RAPGEF1: variants seen among roughly 807,000 people sequenced by gnomAD.
RAPGEF1 encodes CRK SH3-binding GNRP.
RAPGEF1 carries 33 observed loss-of-function variants against 143.3 expected under a neutral mutation model. That is an observed-to-expected ratio of 0.23 (90% CI 0.17 to 0.31). The LOEUF (loss-of-function observed/expected upper bound fraction) is 0.31, where lower values mean the gene tolerates loss of function less well. Among genes scored for constraint, RAPGEF1 ranks in the 10% least tolerant of loss-of-function variants. The pLI is 1.00. For missense variants in RAPGEF1, 1,199 were observed against 1,645.4 expected (o/e 0.73, Z 4.69); for synonymous variants, 629 against 676.5 (o/e 0.93, Z 1.09).
chr9:131,680,574 T>C (rs926769568), intron 1 of RAPGEF1, among the ~76,000 whole-genome samples: 4 of 152,222 alleles, frequency 2.6e-5, no homozygotes, highest in Admixed American at 1.3e-4. Flanking sequence ...CCACGAACAA[T>C]AGCATGAGAG....
intron 1 of RAPGEF1, among the ~76,000 whole-genome samples, chr9:131,652,072 G>C (rs1228958326): frequency 2.0e-5 from 3 of 152,202 alleles, no homozygotes; most frequent in African/African-American, 7.2e-5. Context: ...GTTGCTCTGA[G>C]TAAATCAGGG....
intron 1 of RAPGEF1, among the ~76,000 whole-genome samples, chr9:131,679,102 A>G (rs1832695531): frequency 6.8e-6 from 1 of 148,078 alleles, no homozygotes; most frequent in African/African-American, 2.5e-5. Context: ...CCTAGGACAA[A>G]TATGGCCCTA....
At chr9:131,699,118 C>T (rs1276183273) in intron 1 of RAPGEF1, among the ~76,000 whole-genome samples, 1 of 152,160 alleles carries the variant, frequency 6.6e-6, no homozygotes, top group South Asian at 2.1e-4. Context: ...ATACCCTTAA[C>T]AACTACCACC....
rs372125010 is a variant in RAPGEF1 at position 131,577,202 on chromosome 9, T to TA, written c.*2294dup. ...CTGCCTGCCATCAATAAGTTAGACA[T>TA]ACATCGCACCTTGCCGTCCTCACGC... On this transcript the variant is annotated 3_prime_UTR_variant, in exon 27 of 27. Transcript: ENST00000683357. 2 of 152,424 alleles carry TA rather than the reference T, an allele frequency of 1.3e-5. No individual in the cohort carries two copies. Among genetic ancestry groups the TA allele is most frequent in the East Asian group, 3.9e-4 (2 of 5,190 alleles). The allele number at this position is 152,424 out of a possible 1,614,324, so 9.4% of individuals were successfully genotyped here.
chr9:131,607,391 G>C (rs1957288200), intron 12 of RAPGEF1, among the ~76,000 whole-genome samples: 1 of 152,182 alleles, frequency 6.6e-6, no homozygotes, highest in African/African-American at 2.4e-5. Flanking sequence ...ACCCAGGATG[G>C]CGCTGCAGGC....
rs1054980163 is a variant in RAPGEF1, at chr9:131,650,336, T to C, written c.202-94A>G. On this transcript the variant is annotated intron_variant, in intron 2 of 26. Coordinates refer to ENST00000683357, the MANE Select transcript of RAPGEF1 (RefSeq NM_001377935.1). This position sits in a 1 kb window ranked among gnomAD's most constrained non-coding sequence, Gnocchi z 4.7. ...ATGAAAGTCAATAGCTGTTTCAACA[T>C]ATCTGGCTTGACTGGCCCTGCTGAG... 8.4e-6 allele frequency: 8 copies of C among 948,738 alleles called. No homozygotes were observed. Among genetic ancestry groups the C allele is most frequent in the South Asian group, 4.7e-5 (3 of 64,422 alleles). The allele number at this position is 948,738 out of a possible 1,614,324, so 58.8% of individuals were successfully genotyped here.
intron 1 of RAPGEF1, among the ~76,000 whole-genome samples, chr9:131,666,388 T>A (rs564310602): frequency 7.0e-4 from 84 of 120,294 alleles, no homozygotes; most frequent in African/African-American, 2.1e-3. Context: ...TAAAACAAAA[T>A]TTTTTTTTTT....
At chr9:131,722,823 A>G (rs1589105621) in intron 1 of RAPGEF1, among the ~76,000 whole-genome samples, 2 of 152,302 alleles carry the variant, frequency 1.3e-5, no homozygotes. Context: ...CCATGATCAC[A>G]CCACTGCACT....
At chr9:131,590,066 T>C in intron 18 of RAPGEF1, 88 bp from the exon 19 acceptor site, 1 of 1,177,032 alleles carries the variant, frequency 8.5e-7, no homozygotes, top group Non-Finnish European at 1.3e-6. Context: ...CACTGAGCGC[T>C]CACAATGTGC....
intron 3 of RAPGEF1, among the ~76,000 whole-genome samples, chr9:131,647,501 T>C (rs749537777): frequency 2.6e-5 from 4 of 152,174 alleles, no homozygotes; most frequent in African/African-American, 4.8e-5. Flanking sequence ...AAGCCATGCA[T>C]ATGACCTGAA....
intron 1 of RAPGEF1, among the ~76,000 whole-genome samples, chr9:131,663,762 G>A (rs117020776): frequency 6.6e-6 from 1 of 152,108 alleles, no homozygotes; most frequent in Non-Finnish European, 1.5e-5. Context: ...ACTTGGTTAA[G>A]GTGGTATCTG....
intron 15 of RAPGEF1, chr9:131,598,538 A>T (rs1342589351): frequency 1.5e-6 from 1 of 675,562 alleles, no homozygotes; most frequent in Non-Finnish European, 2.7e-6. Context: ...CACGGAAGTG[A>T]TTCCGCTGGG....
chr9:131,733,832 T>A (rs879616764), intron 1 of RAPGEF1, among the ~76,000 whole-genome samples: 91 of 152,096 alleles, frequency 6.0e-4, no homozygotes, highest in Non-Finnish European at 8.2e-4. Context: ...TTGGGAGACA[T>A]TTTTCTGCAA....
chr9:131,644,224 G>A (rs986339918), intron 3 of RAPGEF1, among the ~76,000 whole-genome samples: 1 of 152,056 alleles, frequency 6.6e-6, no homozygotes, highest in African/African-American at 2.4e-5. Context: ...GGGAGGCCTT[G>A]GATCCAGTTG....
intron 1 of RAPGEF1, among the ~76,000 whole-genome samples, chr9:131,662,128 C>G (rs1458140654): frequency 5.3e-5 from 8 of 152,264 alleles, no homozygotes; most frequent in African/African-American, 9.6e-5. Flanking sequence ...AGCGGTGGGG[C>G]CCCACCCACC....
intron 17 of RAPGEF1, 70 bp downstream of exon 17, chr9:131,596,228 T>G (rs1955261069): frequency 7.0e-7 from 1 of 1,425,738 alleles, no homozygotes; most frequent in South Asian, 1.2e-5. Flanking sequence ...GGGGACAGGA[T>G]AGCGGTGGGA....
rs1413681987 is a variant in RAPGEF1 at position 131,596,292 on chromosome 9, C to G, written c.2689+6G>C. On this transcript the variant is annotated splice_donor_region_variant and intron_variant, in intron 17 of 26. Coordinates refer to ENST00000683357, the MANE Select transcript of RAPGEF1 (RefSeq NM_001377935.1). ...CCCCAATCTAGTGAGCTCACTGACA[C>G]CCTACCTTTCCTGTCAGTCTCAGTA... 2 of 1,613,800 alleles carry G rather than the reference C, an allele frequency of 1.2e-6. No homozygotes were observed. Among genetic ancestry groups the G allele is most frequent in the Non-Finnish European group, 8.5e-7 (1 of 1,179,736 alleles).
chr9:131,677,016 T>C (rs975648250), intron 1 of RAPGEF1, among the ~76,000 whole-genome samples: 9 of 152,246 alleles, frequency 5.9e-5, no homozygotes, highest in Non-Finnish European at 1.3e-4. Flanking sequence ...CTAGCTGATG[T>C]CCCTTTTTAT....
At chr9:131,604,161 G>A (rs962402638) in intron 13 of RAPGEF1, 108 bp from the exon 14 acceptor site, 8 of 613,096 alleles carry the variant, frequency 1.3e-5, no homozygotes, top group Non-Finnish European at 2.1e-5. Context: ...CCCAGGTGCA[G>A]AGAGCAAAGC....
Sources: gnomAD v4.1 joint callset for allele counts (sites outside exome capture counted in the v4.1 genomes callset) on GRCh38, gnomAD v4.1.1 for gene constraint, Gnocchi (gnomAD v3.1) non-coding constraint, MANE v1.5 for transcripts, NCBI Gene and HGNC (gene_info 2026-07-23, HGNC 2026-07-21) for gene names.